GRIK3: variants seen among roughly 807,000 people sequenced by gnomAD.
GRIK3 encodes glutamate receptor ionotropic, kainate 3.
A neutral mutation model predicts 102.5 loss-of-function variants in GRIK3; 29 were observed. The observed-to-expected ratio is 0.28, with a 90% CI of 0.21 to 0.39. The LOEUF (loss-of-function observed/expected upper bound fraction) is 0.39, where lower values mean the gene tolerates loss of function less well. Among genes scored for constraint, GRIK3 ranks in the 10% least tolerant of loss-of-function variants. The pLI, the probability that GRIK3 is intolerant of heterozygous loss-of-function variation, is 1.00. For missense variants in GRIK3, 908 were observed against 1,252.4 expected, an observed-to-expected ratio of 0.73 and a Z score of 4.15; for synonymous variants, 511 against 504.9, an observed-to-expected ratio of 1.01 and a Z score of -0.16.
rs746446473 is a variant in GRIK3, at chr1:36,850,300, C to T, written c.1326+11G>A. ...CGGACAGTCCTTCCTGCAGGGGCTG[C>T]AGGCTCTTACCAGCACTGTGGTGAC... On this transcript the variant is annotated intron_variant, in intron 9 of 15. Transcript: ENST00000373091. The surrounding 1 kb of genome is among the most constrained non-coding windows in gnomAD (Gnocchi z 4.0). The T allele has an allele frequency of 2.6e-6, 4 of 1,549,926 alleles. No individual in the cohort carries two copies. Among genetic ancestry groups the T allele is most frequent in the Admixed American group, 1.7e-5 (1 of 59,950 alleles).
intron 5 of GRIK3, among the ~76,000 whole-genome samples, chr1:36,866,258 C>T (rs1009220641): frequency 6.6e-6 from 1 of 152,214 alleles, no homozygotes; most frequent in East Asian, 1.9e-4. Context: ...CCATTGACCT[C>T]AATTACCACA....
intron 5 of GRIK3, among the ~76,000 whole-genome samples, chr1:36,866,907 A>G (rs1640790910): frequency 6.6e-6 from 1 of 152,178 alleles, no homozygotes. Flanking sequence ...ATGAGCACCT[A>G]CCATGTGCCA....
At chr1:36,803,580 G>A (rs1642465675) in intron 15 of GRIK3, among the ~76,000 whole-genome samples, 1 of 152,108 alleles carries the variant, frequency 6.6e-6, no homozygotes, top group African/African-American at 2.4e-5. Context: ...ACAGGTGCAA[G>A]CCACCACGCC....
intron 1 of GRIK3, among the ~76,000 whole-genome samples, chr1:37,001,890 CCTCTAGGAG>C (rs1346644312): frequency 2.1e-5 from 2 of 93,590 alleles, no homozygotes; most frequent in African/African-American, 3.6e-5. Context: ...CCACTGGGGA[CCTCTAGGAG>C]ACAATGTGGA....
intron 2 of GRIK3, among the ~76,000 whole-genome samples, chr1:36,888,938 C>T (rs566000203): frequency 7.9e-5 from 12 of 152,116 alleles, no homozygotes; most frequent in Admixed American, 2.6e-4. Context: ...CTGCAGGGAT[C>T]GTAAGGAACA....
chr1:36,860,724 C>T (rs1026437669), intron 5 of GRIK3, among the ~76,000 whole-genome samples: 1 of 152,136 alleles, frequency 6.6e-6, no homozygotes, highest in Non-Finnish European at 1.5e-5. Context: ...AGAGGGGAAG[C>T]AGGTGGAGGG....
At chr1:36,826,440 G>A (rs762670941) in intron 10 of GRIK3, among the ~76,000 whole-genome samples, 2 of 152,196 alleles carry the variant, frequency 1.3e-5, no homozygotes, top group African/African-American at 2.4e-5. Context: ...GGCCGAGGCA[G>A]GAGGATAGTT....
chr1:36,998,234 G>T (rs1642440298), intron 1 of GRIK3, among the ~76,000 whole-genome samples: 1 of 152,224 alleles, frequency 6.6e-6, no homozygotes. Flanking sequence ...AAATGCAGCT[G>T]CCTTCTACTA....
chr1:36,917,652 C>A (rs1464668307), intron 1 of GRIK3, among the ~76,000 whole-genome samples: 1 of 152,226 alleles, frequency 6.6e-6, no homozygotes, highest in Non-Finnish European at 1.5e-5. Flanking sequence ...TGAGATGTGC[C>A]TTTCAACTTC....
At chr1:36,871,744 A>G (rs946864691) in intron 4 of GRIK3, among the ~76,000 whole-genome samples, 4 of 152,192 alleles carry the variant, frequency 2.6e-5, no homozygotes, top group African/African-American at 9.6e-5. Context: ...AGTAACACCA[A>G]GTGCCGTGGG....
At chr1:36,960,033 G>A (rs1345435716) in intron 1 of GRIK3, among the ~76,000 whole-genome samples, 1 of 112,784 alleles carries the variant, frequency 8.9e-6, no homozygotes, top group Non-Finnish European at 1.9e-5. Flanking sequence ...TGTGCCCCGC[G>A]AGTCTGTGTG....
intron 1 of GRIK3, among the ~76,000 whole-genome samples, chr1:36,993,108 T>C (rs1027560198): frequency 6.6e-6 from 1 of 152,038 alleles, no homozygotes; most frequent in Non-Finnish European, 1.5e-5. Flanking sequence ...GGATCAGCCA[T>C]GGAAGAAGAG....
At chr1:36,932,001 C>G (rs548955808) in intron 1 of GRIK3, among the ~76,000 whole-genome samples, 50 of 152,294 alleles carry the variant, frequency 3.3e-4, no homozygotes, top group Non-Finnish European at 6.8e-4. Flanking sequence ...TGTCCTGCCC[C>G]CTATCTGACC....
chr1:36,855,838 G>A (rs545208068), intron 7 of GRIK3, among the ~76,000 whole-genome samples: 2 of 152,332 alleles, frequency 1.3e-5, no homozygotes, highest in Admixed American at 6.5e-5. Flanking sequence ...TTCCCCACAT[G>A]AGCGCATTCA....
At chr1:36,939,790 G>A (rs1276093975) in intron 1 of GRIK3, among the ~76,000 whole-genome samples, 1 of 152,210 alleles carries the variant, frequency 6.6e-6, no homozygotes, top group Non-Finnish European at 1.5e-5. Flanking sequence ...CAGAGAATGT[G>A]GGTAGAAGGA....
chr1:36,826,680 T>TAA (rs57217516), intron 10 of GRIK3, among the ~76,000 whole-genome samples: 3 of 108,092 alleles, frequency 2.8e-5, no homozygotes, highest in African/African-American at 3.4e-5. Context: ...TTTCAAAAAA[T>TAA]AAAAAAAAAA....
chr1:37,032,486 T>TGGG (rs35508388), intron 1 of GRIK3, among the ~76,000 whole-genome samples: 48 of 143,398 alleles, frequency 3.3e-4, no homozygotes, highest in African/African-American at 1.3e-3. Context: ...GGTCCATTAC[T>TGGG]GGGGGGGGAA....
chr1:36,911,967 T>C (rs570782507), intron 1 of GRIK3, among the ~76,000 whole-genome samples: 2 of 152,078 alleles, frequency 1.3e-5, no homozygotes, highest in East Asian at 3.9e-4. Context: ...GCACACCCAC[T>C]GGCAGCAGAA....
chr1:36,875,486 G>A (rs554112942), intron 3 of GRIK3, among the ~76,000 whole-genome samples: 1 of 152,374 alleles, frequency 6.6e-6, no homozygotes, highest in African/African-American at 2.4e-5. Context: ...CATGTGAATT[G>A]TTTTGGCCAG....
Sources: allele counts gnomAD v4.1 joint callset (sites outside exome capture counted in the v4.1 genomes callset), GRCh38; gene constraint gnomAD v4.1.1; non-coding constraint Gnocchi (gnomAD v3.1); transcripts MANE v1.5; gene names NCBI Gene and HGNC (gene_info 2026-07-23, HGNC 2026-07-21).